The following CSMD1 variants were observed in gnomAD, a reference collection of about 807,000 sequenced individuals.
CSMD1 encodes the protein CUB and Sushi multiple domains 1.
Under a neutral mutation model 417.5 loss-of-function variants are expected in CSMD1, and 213 were observed. That is an observed-to-expected ratio of 0.51 (90% confidence interval 0.46 to 0.57). CSMD1 has a LOEUF of 0.57. CSMD1 is among the 20% of genes least tolerant of loss of function. CSMD1 has a pLI of 0.00. For missense variants in CSMD1, 6,923 were observed against 4,529.7 expected (o/e 1.53, Z -15.17); for synonymous variants, 2,862 against 1,736.8 (o/e 1.65, Z -16.11).
intron 3 of CSMD1, among the ~76,000 whole-genome samples, chr8:4,347,483 G>A (rs546558782): frequency 2.0e-4 from 30 of 152,136 alleles, no homozygotes; most frequent in African/African-American, 6.3e-4. Flanking sequence ...GAAGGAAATT[G>A]CAAGACTAAA....
Position 4,727,755 on chromosome 8 carries a change from G to T in CSMD1, c.86-90197C>A, listed in dbSNP as rs1469498095. ...TCCTCTTTTTCTTCTCTGAATCTCA[G>T]TTAAGGGCTGCTCTCTGCTTCCAGG... On this transcript the variant is annotated intron_variant, in intron 1 of 69. Transcript: ENST00000635120. Among the ~76,000 whole-genome samples the T allele has an allele frequency of 3.3e-5, 5 of 151,670 alleles. No individual in the cohort carries two copies. In the South Asian group the frequency reaches 6.2e-4, roughly 19 times the overall value.
intron 25 of CSMD1, among the ~76,000 whole-genome samples, chr8:3,290,043 A>G (rs1408534339): frequency 6.8e-6 from 1 of 147,218 alleles, no homozygotes; most frequent in Admixed American, 6.7e-5. Context: ...CTTTCTACAT[A>G]TGGCTAGCCA....
At chr8:3,842,286 C>A (rs2129094770) in intron 5 of CSMD1, among the ~76,000 whole-genome samples, 1 of 152,178 alleles carries the variant, frequency 6.6e-6, no homozygotes, top group Middle Eastern at 3.4e-3. Context: ...TTATGAGGTT[C>A]TTTCACTTTT....
rs1027946018 is a variant in CSMD1 at position 4,444,084 on chromosome 8, G to A, written c.303-24019C>T. Among the ~76,000 whole-genome samples, 3 of 152,198 alleles carry A rather than the reference G, an allele frequency of 2.0e-5. No homozygotes were observed. In the South Asian group the frequency reaches 6.2e-4, roughly 32 times the overall value. ...TGGCCTGGCACAGTAGCTCATGCCTGTAACCCCAGCACTTTGGGAGGTCGA... is the reference window on the plus strand; with the variant it reads ...TGGCCTGGCACAGTAGCTCATGCCTATAACCCCAGCACTTTGGGAGGTCGA... On this transcript the variant is annotated intron_variant, in intron 2 of 69. Transcript: ENST00000635120.
At chr8:3,371,878 G>C (rs541760885) in intron 18 of CSMD1, among the ~76,000 whole-genome samples, 8 of 152,324 alleles carry the variant, frequency 5.3e-5, no homozygotes, top group African/African-American at 1.9e-4. Context: ...CACTGTGAAA[G>C]AAGTAACATT....
intron 3 of CSMD1, among the ~76,000 whole-genome samples, chr8:4,237,442 C>T (rs1056914074): frequency 4.6e-5 from 7 of 152,006 alleles, no homozygotes; most frequent in African/African-American, 1.2e-4. Flanking sequence ...ATATGTATAC[C>T]CTAAACGGTA....
intron 4 of CSMD1, among the ~76,000 whole-genome samples, chr8:4,006,636 A>T (rs1472251042): frequency 6.6e-6 from 1 of 152,200 alleles, no homozygotes; most frequent in Non-Finnish European, 1.5e-5. Flanking sequence ...TAGGTAAGCA[A>T]GAGAGGGAAC....
At chr8:4,443,273 C>T (rs1309503888) in intron 2 of CSMD1, among the ~76,000 whole-genome samples, 3 of 152,278 alleles carry the variant, frequency 2.0e-5, no homozygotes, top group East Asian at 3.9e-4. Flanking sequence ...ATCAATCAAT[C>T]TTCGCCTAAG....
intron 3 of CSMD1, among the ~76,000 whole-genome samples, chr8:4,048,890 T>C (rs551340309): frequency 6.6e-6 from 1 of 152,330 alleles, no homozygotes; most frequent in East Asian, 1.9e-4. Flanking sequence ...AGCTGCTACA[T>C]ACAAAAATAG....
intron 26 of CSMD1, among the ~76,000 whole-genome samples, chr8:3,241,547 C>G (rs1352374260): frequency 6.6e-6 from 1 of 152,150 alleles, no homozygotes. Flanking sequence ...GTTCCAGGGG[C>G]TCTGGGAGTG....
At chr8:4,010,272 C>G (rs1033294838) in intron 4 of CSMD1, among the ~76,000 whole-genome samples, 8 of 152,058 alleles carry the variant, frequency 5.3e-5, no homozygotes, top group African/African-American at 1.9e-4. Context: ...CTCATGTGCC[C>G]AGCTTTGAGT....
intron 1 of CSMD1, among the ~76,000 whole-genome samples, chr8:4,901,301 A>C (rs573176215): frequency 3.3e-4 from 50 of 152,302 alleles, no homozygotes; most frequent in Non-Finnish European, 6.5e-4. Flanking sequence ...ATAATTTTTT[A>C]TTCCGCTTGT....
At chr8:4,039,582 C>G (rs558211384) in intron 3 of CSMD1, among the ~76,000 whole-genome samples, 1 of 152,254 alleles carries the variant, frequency 6.6e-6, no homozygotes, top group East Asian at 1.9e-4. Flanking sequence ...TGAATGCCTT[C>G]TACTTTCAAA....
At chr8:4,889,024 G>A (rs529532034) in intron 1 of CSMD1, among the ~76,000 whole-genome samples, 5 of 152,188 alleles carry the variant, frequency 3.3e-5, no homozygotes, top group African/African-American at 7.2e-5. Flanking sequence ...TGGCAAACAC[G>A]ATGGCATTTA....
rs988779440 is a variant in CSMD1 at position 3,892,715 on chromosome 8, G to C, written c.818+105188C>G. Among the ~76,000 whole-genome samples, 5 of 107,090 alleles carry C rather than the reference G, an allele frequency of 4.7e-5. No homozygotes were observed. The East Asian group carries it at 1.4e-3, about 30-fold the overall frequency. 70.3% of individuals were successfully genotyped at this position (107,090 alleles called of 152,430 possible). On this transcript the variant is annotated intron_variant, in intron 5 of 69. Transcript: ENST00000635120. ...CACTTATTTGAGTACATTTAGGCAG[G>C]TTTTTTTTTTTTTTTTTTTTGCCAC...
intron 3 of CSMD1, among the ~76,000 whole-genome samples, chr8:4,129,074 C>CAAAAA (rs10538387): frequency 9.9e-5 from 8 of 80,716 alleles, no homozygotes; most frequent in Non-Finnish European, 1.7e-4. Flanking sequence ...GAGTCCAACT[C>CAAAAA]AAAAAAAAAA....
At chr8:3,065,299 ATAGG>A (rs955775642) in intron 49 of CSMD1, among the ~76,000 whole-genome samples, 36 of 113,588 alleles carry the variant, frequency 3.2e-4, no homozygotes, top group Non-Finnish European at 4.2e-4. Context: ...AGATAGATAG[ATAGG>A]TAGATAGATA....
Position 4,917,089 on chromosome 8 carries a change from C to T in CSMD1, c.85+77243G>A, listed in dbSNP as rs185797951. 3.4e-4 allele frequency among the ~76,000 whole-genome samples: 52 copies of T among 152,222 alleles called. 1 individual carries two copies. The highest frequency in any genetic ancestry group is 6.8e-3 in the Middle Eastern group (2 of 294). On this transcript the variant is annotated intron_variant, in intron 1 of 69. Coordinates refer to ENST00000635120, the MANE Select transcript of CSMD1 (RefSeq NM_033225.6). ...TTCGGTAGACTATCTATAGGAAGCA[C>T]GGCTGTGGAGGCCTCAGTAAACTTA...
chr8:3,188,760 T>G (rs780102804), intron 35 of CSMD1, 127 bp downstream of exon 35: 2 of 519,210 alleles, frequency 3.9e-6, no homozygotes, highest in Non-Finnish European at 5.8e-6. Flanking sequence ...AAATAACCAG[T>G]ATAAAAGGAA....
Sources: gnomAD v4.1 joint callset for allele counts (sites outside exome capture counted in the v4.1 genomes callset) on GRCh38, gnomAD v4.1.1 for gene constraint, MANE v1.5 for transcripts, NCBI Gene and HGNC (gene_info 2026-07-23, HGNC 2026-07-21) for gene names.